SYNJ1: variants seen among roughly 807,000 people sequenced by gnomAD.
The protein encoded by SYNJ1 is synaptojanin 1.
SYNJ1 carries 78 observed loss-of-function variants against 168.2 expected under a neutral mutation model. That is an observed-to-expected ratio of 0.46 (90% confidence interval 0.39 to 0.56). SYNJ1 has a LOEUF of 0.56. Ranked by LOEUF, SYNJ1 falls within the 20% of genes least tolerant of loss-of-function variation. The probability of loss-of-function intolerance (pLI) is 0.00; values close to 1 mark genes in which losing one functional copy is unlikely to be tolerated. For missense variants in SYNJ1, 1,303 were observed against 1,597.6 expected, an observed-to-expected ratio of 0.82 and a Z score of 3.14; for synonymous variants, 539 against 548.6, an observed-to-expected ratio of 0.98 and a Z score of 0.24.
At chr21:32,687,744 T>G (rs766255122) in intron 7 of SYNJ1, among the ~76,000 whole-genome samples, 26 of 152,130 alleles carry the variant, frequency 1.7e-4, no homozygotes, top group Admixed American at 3.3e-4. Flanking sequence ...GCAAGTCCAC[T>G]TATATATGGA....
intron 14 of SYNJ1, 43 bp downstream of exon 14, chr21:32,673,297 C>G: frequency 6.5e-7 from 1 of 1,549,562 alleles, no homozygotes; most frequent in Non-Finnish European, 8.7e-7. Flanking sequence ...CAATACAACA[C>G]AGTCAGGATT....
intron 2 of SYNJ1, among the ~76,000 whole-genome samples, chr21:32,714,218 A>G (rs2042942067): frequency 6.6e-6 from 1 of 152,222 alleles, no homozygotes; most frequent in African/African-American, 2.4e-5. Flanking sequence ...TGAGGTTAGA[A>G]CATAGAAACC....
chr21:32,710,358 T>G (rs1396182385), intron 2 of SYNJ1, among the ~76,000 whole-genome samples: 2 of 152,116 alleles, frequency 1.3e-5, no homozygotes, highest in African/African-American at 4.8e-5. Context: ...GTTAAAAAAA[T>G]TATTACATTC....
At chr21:32,638,388 G>C (rs1160258874) in intron 31 of SYNJ1, among the ~76,000 whole-genome samples, 2 of 152,108 alleles carry the variant, frequency 1.3e-5, no homozygotes, top group Non-Finnish European at 2.9e-5. Context: ...TACTTTTAAG[G>C]AAAGATCACT....
intron 3 of SYNJ1, 69 bp from the exon 4 acceptor site, chr21:32,700,174 AC>A (rs1278471201): frequency 6.7e-7 from 1 of 1,490,936 alleles, no homozygotes; most frequent in Non-Finnish European, 9.0e-7. Flanking sequence ...TTCTTCTTGC[AC>A]CTCTATTTTT....
At chr21:32,664,806 T>C (rs1453611833) in intron 18 of SYNJ1, 107 bp downstream of exon 18, 20 of 964,870 alleles carry the variant, frequency 2.1e-5, no homozygotes, top group Non-Finnish European at 2.9e-5. Context: ...CAGATGCATA[T>C]TTAAGTACAA....
At chr21:32,686,923 A>G in intron 8 of SYNJ1, 55 bp downstream of exon 8, 1 of 1,153,926 alleles carries the variant, frequency 8.7e-7, no homozygotes, top group Non-Finnish European at 1.2e-6. Flanking sequence ...TTTATTTTTT[A>G]ATACCATTCT....
At chr21:32,631,908 T>C (rs761406924) in intron 32 of SYNJ1, 107 bp from the exon 33 acceptor site, 43 of 1,069,792 alleles carry the variant, frequency 4.0e-5, no homozygotes, top group Non-Finnish European at 5.0e-5. Context: ...CATGTAAATT[T>C]AGAAACTAAA....
At chr21:32,663,632 T>C (rs142921435) in intron 18 of SYNJ1, among the ~76,000 whole-genome samples, 1 of 152,110 alleles carries the variant, frequency 6.6e-6, no homozygotes, top group African/African-American at 2.4e-5. Flanking sequence ...AGCATAGCTA[T>C]AGGAAATTGG....
intron 2 of SYNJ1, 52 bp from the exon 3 acceptor site, chr21:32,702,099 A>G: frequency 1.5e-6 from 2 of 1,295,644 alleles, no homozygotes; most frequent in Non-Finnish European, 2.2e-6. Flanking sequence ...ATTGGATTCT[A>G]TTTAGCTAAG....
At chr21:32,687,920 C>T (rs577241449) in intron 7 of SYNJ1, among the ~76,000 whole-genome samples, 4 of 151,514 alleles carry the variant, frequency 2.6e-5, no homozygotes, top group African/African-American at 4.8e-5. Flanking sequence ...CTGAGTATAC[C>T]GAACATGATT....
chr21:32,693,005 T>C (rs1259389691), intron 6 of SYNJ1, among the ~76,000 whole-genome samples: 1 of 152,118 alleles, frequency 6.6e-6, no homozygotes, highest in Non-Finnish European at 1.5e-5. Context: ...CACTCAAGCC[T>C]GGGTGGCAGA....
intron 11 of SYNJ1, 25 bp from the exon 12 acceptor site, chr21:32,678,826 C>T (rs756829720): frequency 1.9e-6 from 3 of 1,588,600 alleles, no homozygotes; most frequent in African/African-American, 1.4e-5. Context: ...AAGAAAGGAG[C>T]GCAGATTTTC....
chr21:32,657,084 T>A lies in SYNJ1; in HGVS notation c.2498A>T (p.Asp833Val). The A allele has an allele frequency of 6.2e-7, 1 of 1,614,050 alleles. No homozygotes were observed. The highest frequency in any genetic ancestry group is 1.1e-5 in the South Asian group (1 of 91,078). The change falls in exon 20 of 33, where the codon GAT becomes GTT. Residue 833 changes from aspartate to valine, a missense_variant. Asp to Val is a radical substitution (Grantham distance 152, BLOSUM62 -3). Transcript: ENST00000674351. ...DLDLLNASFQ[D>V]ESKILYTWTP... ...CCACGTGTACAGAATTTTGCTTTCA[T>A]CTTGAAAACTAGCATTTAGAAGATC...
intron 22 of SYNJ1, among the ~76,000 whole-genome samples, chr21:32,650,898 A>C (rs1270432898): frequency 6.6e-6 from 1 of 152,230 alleles, no homozygotes; most frequent in East Asian, 1.9e-4. Flanking sequence ...CACCATTTTA[A>C]ATCTTCAACA....
chr21:32,726,830 C>T lies in SYNJ1; in HGVS notation c.66G>A (p.Val22=). 1 of 1,614,166 alleles carries T rather than the reference C, an allele frequency of 6.2e-7. No homozygotes were observed. Among genetic ancestry groups the T allele is most frequent in the Non-Finnish European group, 8.5e-7 (1 of 1,180,036 alleles). ...GACATTCTTCCTTATGCCTAGTTTC[C>T]ACTATGAGGCTGAAAGGTGGGGGAT... ...KLDPPPFSLI[V]ETRHKEECLM... is the part of the protein sequence containing the mutation. The change falls in exon 2 of 33, where the codon GTG becomes GTA. Residue 22 remains valine (V), a synonymous_variant. Coordinates refer to ENST00000674351, the MANE Select transcript of SYNJ1 (RefSeq NM_203446.3).
At chr21:32,647,864 C>T (rs1193375337) in intron 23 of SYNJ1, among the ~76,000 whole-genome samples, 2 of 152,194 alleles carry the variant, frequency 1.3e-5, no homozygotes, top group Non-Finnish European at 2.9e-5. Context: ...AAGTGCCTGG[C>T]AATTCCATGA....
intron 7 of SYNJ1, 54 bp downstream of exon 7, chr21:32,688,252 G>T: frequency 1.3e-6 from 2 of 1,536,646 alleles, no homozygotes; most frequent in East Asian, 2.3e-5. Flanking sequence ...AATACAAGCA[G>T]TCCCACTGCT....
Position 32,699,934 on chromosome 21 carries a change from A to T in SYNJ1, c.383T>A (p.Phe128Tyr). 5 of 1,614,166 alleles carry T rather than the reference A, an allele frequency of 3.1e-6. No individual in the cohort carries two copies. The highest frequency in any genetic ancestry group is 4.2e-6 in the Non-Finnish European group (5 of 1,180,028). Residue 128 changes from phenylalanine to tyrosine, a missense_variant, in exon 4 of 33, where the codon TTT (phenylalanine) becomes TAT (tyrosine). Physicochemically the swap from Phe to Tyr is conservative, Grantham distance 22. Around this residue, in one of 2 missense-constraint regions of SYNJ1, gnomAD observed 920 missense variants for 1,208.8 expected, o/e 0.76. Coordinates refer to ENST00000674351, the MANE Select transcript of SYNJ1 (RefSeq NM_203446.3). ...GCCAGATGCAGACCATGCAAAATAA[A>T]AGTTTCCTGAATTCAAAACTTTCCG... ...EVRKVLNSGN[F>Y]YFAWSASGIS... is the part of the protein sequence containing the mutation.
Sources: allele counts gnomAD v4.1 joint callset (sites outside exome capture counted in the v4.1 genomes callset), GRCh38; gene constraint gnomAD v4.1.1; regional missense constraint gnomAD v4.1.1; transcripts MANE v1.5; gene names NCBI Gene and HGNC (gene_info 2026-07-23, HGNC 2026-07-21).